Variants in LRFN5 observed in about 807,000 individuals in gnomAD.
LRFN5 encodes leucine rich repeat and fibronectin type III domain containing 5.
A neutral mutation model predicts 45.6 loss-of-function variants in LRFN5; 24 were observed. The observed-to-expected ratio is 0.53, with a 90% CI of 0.38 to 0.74. The LOEUF (loss-of-function observed/expected upper bound fraction) is 0.74, where lower values mean the gene tolerates loss of function less well. Ranked by LOEUF, LRFN5 falls within the 30% of genes least tolerant of loss-of-function variation. The probability of loss-of-function intolerance (pLI) is 0.00; values close to 1 mark genes in which losing one functional copy is unlikely to be tolerated. For synonymous variants in LRFN5, 340 were observed against 313.8 expected, an observed-to-expected ratio of 1.08 and a Z score of -0.88; for missense variants, 776 against 861.5, an observed-to-expected ratio of 0.90 and a Z score of 1.24.
intron 1 of LRFN5, among the ~76,000 whole-genome samples, chr14:41,724,381 T>G (rs1309409105): frequency 6.6e-6 from 1 of 152,278 alleles, no homozygotes; most frequent in Non-Finnish European, 1.5e-5. Flanking sequence ...GAGCATAAGG[T>G]TTTTTTCAGA....
At chr14:41,874,931 A>C (rs1362269765) in intron 2 of LRFN5, among the ~76,000 whole-genome samples, 1 of 152,096 alleles carries the variant, frequency 6.6e-6, no homozygotes, top group African/African-American at 2.4e-5. Context: ...AGCAGATCTC[A>C]TGAGAACTCA....
rs542776300 is a variant in LRFN5, at chr14:41,680,401, T to C, written c.-197+71839T>C. 2.6e-5 allele frequency among the ~76,000 whole-genome samples: 4 copies of C among 152,242 alleles called. No individual in the cohort carries two copies. In the East Asian group the frequency reaches 7.8e-4, roughly 30 times the overall value. On this transcript the variant is annotated intron_variant, in intron 1 of 5. Transcript: ENST00000298119. ...GCTTGTGTCACTCCTCCCTCAGCTC[T>C]GTGCAGCTTGAGACACACAGAGAGA...
At chr14:41,766,025 TTTA>T (rs921745021) in intron 1 of LRFN5, among the ~76,000 whole-genome samples, 1 of 152,170 alleles carries the variant, frequency 6.6e-6, no homozygotes, top group Non-Finnish European at 1.5e-5. Context: ...AGGTCTGTTT[TTTA>T]TTATTATGCT....
intron 1 of LRFN5, among the ~76,000 whole-genome samples, chr14:41,694,715 T>C (rs1277696347): frequency 6.6e-6 from 1 of 151,974 alleles, no homozygotes; most frequent in Non-Finnish European, 1.5e-5. Context: ...GTGTCACATT[T>C]TGGTAATTCA....
intron 2 of LRFN5, among the ~76,000 whole-genome samples, chr14:41,798,248 G>T (rs1481756258): frequency 6.6e-6 from 1 of 151,894 alleles, no homozygotes. Flanking sequence ...AGTAAATCTT[G>T]TTGAGCTCTT....
chr14:41,680,966 C>G (rs1188578861), intron 1 of LRFN5, among the ~76,000 whole-genome samples: 1 of 151,846 alleles, frequency 6.6e-6, no homozygotes, highest in African/African-American at 2.4e-5. Context: ...AATAAAAATG[C>G]AACTGACATA....
rs182236230 is a variant in LRFN5, at chr14:41,659,022, C to A, written c.-197+50460C>A. On this transcript the variant is annotated intron_variant, in intron 1 of 5. Transcript: ENST00000298119. The stretch of plus-strand genomic sequence containing the variant: ...CCTAAAATTTCTTTTGGCTCTATTA[C>A]AACCAACTCTTTTTATATTTTTTAT... Among the ~76,000 whole-genome samples the A allele has an allele frequency of 9.1e-3, 1,382 of 151,888 alleles. 6 individuals are homozygous for A. Among genetic ancestry groups the A allele is most frequent in the East Asian group, 0.014 (74 of 5,146 alleles).
chr14:41,636,228 G>A (rs1879302397), intron 1 of LRFN5, among the ~76,000 whole-genome samples: 1 of 152,142 alleles, frequency 6.6e-6, no homozygotes, highest in African/African-American at 2.4e-5. Flanking sequence ...AACATTCTGG[G>A]TGGAGGCAAT....
At chr14:41,853,438 G>A (rs1272263493) in intron 2 of LRFN5, among the ~76,000 whole-genome samples, 1 of 151,918 alleles carries the variant, frequency 6.6e-6, no homozygotes, top group Non-Finnish European at 1.5e-5. Flanking sequence ...GGATATATTT[G>A]ACTATAGACT....
At chr14:41,820,604 A>G (rs1162596572) in intron 2 of LRFN5, among the ~76,000 whole-genome samples, 1 of 151,174 alleles carries the variant, frequency 6.6e-6, no homozygotes, top group Non-Finnish European at 1.5e-5. Flanking sequence ...GCTCTTTTTT[A>G]TTTCCTTGTG....
chr14:41,832,020 C>T (rs1888501692), intron 2 of LRFN5, among the ~76,000 whole-genome samples: 1 of 152,128 alleles, frequency 6.6e-6, no homozygotes, highest in Non-Finnish European at 1.5e-5. Context: ...CTAATTACAT[C>T]ACAAGTGTCC....
Position 41,642,894 on chromosome 14 carries a change from CAT to C in LRFN5, c.-197+34334_-197+34335del, listed in dbSNP as rs1449258711. 5.9e-5 allele frequency among the ~76,000 whole-genome samples: 9 copies of C among 152,230 alleles called. No homozygotes were observed. The East Asian group carries it at 1.5e-3, about 26-fold the overall frequency. ...TTTTAAATGTTAAAGATTAGAGACA[CAT>C]AGTTAGCTGGTTAAATCCAAATAAT... On this transcript the variant is annotated intron_variant, in intron 1 of 5. Transcript: ENST00000298119.
At chr14:41,665,069 T>C (rs1015522612) in intron 1 of LRFN5, among the ~76,000 whole-genome samples, 4 of 152,092 alleles carry the variant, frequency 2.6e-5, no homozygotes, top group African/African-American at 9.7e-5. Context: ...CAATATTATA[T>C]GTATCCAAGA....
At chr14:41,688,420 C>T (rs8006761) in intron 1 of LRFN5, among the ~76,000 whole-genome samples, 3,117 of 151,454 alleles carry the variant, frequency 0.021, 95 homozygotes, top group African/African-American at 0.069. Context: ...CAAAATATGT[C>T]ATGTACCCCA....
rs765633993 is a variant in LRFN5, at chr14:41,846,499, T to C, written c.-20-40107T>C. Among the ~76,000 whole-genome samples the C allele has an allele frequency of 1.2e-4, 18 of 152,128 alleles. 1 individual carries two copies. The highest frequency in any genetic ancestry group is 3.9e-4 in the African/African-American group (16 of 41,440). On this transcript the variant is annotated intron_variant, in intron 2 of 5. Coordinates refer to ENST00000298119, the MANE Select transcript of LRFN5 (RefSeq NM_152447.5). ...AAAGAGGTCACATGCAAAAAAATACTGTATGATTCCATATACATACCATTC... is the reference window on the plus strand; with the variant it reads ...AAAGAGGTCACATGCAAAAAAATACCGTATGATTCCATATACATACCATTC...
At chr14:41,682,669 C>A (rs1251013256) in intron 1 of LRFN5, among the ~76,000 whole-genome samples, 1 of 152,104 alleles carries the variant, frequency 6.6e-6, no homozygotes, top group African/African-American at 2.4e-5. Context: ...ATTAGAGCAA[C>A]TATATGCCAA....
rs547676135 is a variant in LRFN5, at chr14:41,900,324, G to C, written c.2142+1364G>C. Among the ~76,000 whole-genome samples the C allele has an allele frequency of 4.9e-4, 74 of 152,010 alleles. 1 individual carries two copies. The highest frequency in any genetic ancestry group is 8.2e-4 in the Non-Finnish European group (56 of 67,960). ...AAGAATTTTTGAAAGATTCACATTT[G>C]AAATGGAATATTGTATATTATTTTG... On this transcript the variant is annotated intron_variant, in intron 5 of 5. Coordinates refer to ENST00000298119, the MANE Select transcript of LRFN5 (RefSeq NM_152447.5).
chr14:41,790,621 G>A (rs938065085), intron 2 of LRFN5, among the ~76,000 whole-genome samples: 2 of 148,738 alleles, frequency 1.3e-5, no homozygotes, highest in East Asian at 2.0e-4. Context: ...ACATATTATC[G>A]ATATGTAGTA....
chr14:41,622,867 T>G (rs998375068), intron 1 of LRFN5, among the ~76,000 whole-genome samples: 3 of 152,194 alleles, frequency 2.0e-5, no homozygotes, highest in African/African-American at 7.2e-5. Context: ...CATACTCTTT[T>G]TTGATAGGGA....
Sources: gnomAD v4.1 joint callset for allele counts (sites outside exome capture counted in the v4.1 genomes callset) on GRCh38, gnomAD v4.1.1 for gene constraint, MANE v1.5 for transcripts, NCBI Gene and HGNC (gene_info 2026-07-23, HGNC 2026-07-21) for gene names.